The following PGBD5 variants were observed in gnomAD, a reference collection of about 807,000 sequenced individuals.
PGBD5 encodes piggyBac transposable element-derived protein 5.
A neutral mutation model predicts 47.9 loss-of-function variants in PGBD5; 14 were observed. The ratio of observed to expected loss-of-function variants is 0.29; its 90% CI spans 0.19 to 0.46. PGBD5 has a LOEUF of 0.46. PGBD5 is among the 20% of genes least tolerant of loss of function. The pLI is 1.00. For missense variants in PGBD5, 635 were observed against 716.0 expected (o/e 0.89, Z 1.29); for synonymous variants, 316 against 306.3 (o/e 1.03, Z -0.33).
At chr1:230,377,996 T>C (rs1171416231) in intron 1 of PGBD5, among the ~76,000 whole-genome samples, 2 of 152,200 alleles carry the variant, frequency 1.3e-5, no homozygotes, top group Non-Finnish European at 2.9e-5. Flanking sequence ...GCACTCCTCA[T>C]TGAGATCCCT....
chr1:230,390,011 GA>G (rs1162342302), intron 1 of PGBD5, among the ~76,000 whole-genome samples: 1 of 152,220 alleles, frequency 6.6e-6, no homozygotes, highest in Non-Finnish European at 1.5e-5. Context: ...CACACAGCCA[GA>G]AGGTGGGAGG....
In PGBD5 at chr1:230,425,910, C is replaced by G. The variant is rs1164185978; in HGVS notation, c.19G>C (p.Gly7Arg). 5.2e-5 allele frequency: 60 copies of G among 1,145,566 alleles called. No individual in the cohort carries two copies. The highest frequency in any genetic ancestry group is 4.4e-4 in the Admixed American group (9 of 20,362). The allele number at this position is 1,145,566 out of a possible 1,614,324, so 71.0% of individuals were successfully genotyped here. A position where few individuals can be genotyped will look rare whatever the true frequency, so the allele number is the denominator to read the frequency against. The change falls in exon 1 of 7, where the codon GGC becomes CGC. Residue 7 changes from glycine (G) to arginine (R), a missense_variant. By Grantham distance (125) the Gly-to-Arg change is moderately radical. Coordinates refer to ENST00000391860, the MANE Select transcript of PGBD5 (RefSeq NM_001258311.2). This position sits in a 1 kb window ranked among gnomAD's most constrained non-coding sequence, Gnocchi z 4.7. ...AGCGCCGGCGCCCTCCTCCGCGCGC[C>G]CCCGCCGCCCTCGGCCATGGCCCCG... Reference protein sequence around the residue: MAEGGGGARRRAPALLE... With the variant: MAEGGGRARRRAPALLE...
At chr1:230,372,858 G>GC (rs1164100763) in intron 1 of PGBD5, among the ~76,000 whole-genome samples, 1 of 152,104 alleles carries the variant, frequency 6.6e-6, no homozygotes, top group African/African-American at 2.4e-5. Flanking sequence ...CCTGCAGGTG[G>GC]CTTTCTTCCT....
At position 230,332,949 on chromosome 1, in the gene PGBD5, G is replaced by C. The variant is rs1418689171; in HGVS notation, c.1168C>G (p.Arg390Gly). 14 of 1,614,066 alleles carry C rather than the reference G, an allele frequency of 8.7e-6. No individual in the cohort carries two copies. Among genetic ancestry groups the C allele is most frequent in the Non-Finnish European group, 1.2e-5 (14 of 1,180,012 alleles). ...TTCATCTTGATTTGGTACTGGCCCC[G>C]GGCCGGGGGTGTGGCTGGGTTGGTC... is the stretch of plus-strand genomic sequence containing the variant. ...MLTNPATPPA[R>G]GQYQIKMKGN... is the part of the protein sequence containing the mutation. The change falls in exon 5 of 7, where the codon CGG becomes GGG. Residue 390 changes from arginine (R) to glycine (G), a missense_variant. Arg to Gly is a moderately radical substitution (Grantham distance 125). Transcript: ENST00000391860.
intron 5 of PGBD5, among the ~76,000 whole-genome samples, chr1:230,327,157 C>T (rs1165256888): frequency 6.6e-6 from 1 of 151,872 alleles, no homozygotes; most frequent in Non-Finnish European, 1.5e-5. Context: ...CTACTGTTTC[C>T]TTGAACTGGC....
rs571318363 is a variant in PGBD5, at chr1:230,406,402, T to C, written c.331+19196A>G. Among the ~76,000 whole-genome samples, 6 of 151,786 alleles carry C rather than the reference T, an allele frequency of 4.0e-5. No individual in the cohort carries two copies. The South Asian group carries it at 6.2e-4, about 16-fold the overall frequency. ...GTAAAATGTTGCAATAATTAAAGAC[T>C]GTAATAGCTACTAATTTTATAGGCA... On this transcript the variant is annotated intron_variant, in intron 1 of 6. Transcript: ENST00000391860.
intron 4 of PGBD5, among the ~76,000 whole-genome samples, chr1:230,335,895 ACG>A: frequency 6.9e-6 from 1 of 144,260 alleles, no homozygotes; most frequent in African/African-American, 2.5e-5. Flanking sequence ...AGATGCATAC[ACG>A]GACATACAGA....
intron 1 of PGBD5, among the ~76,000 whole-genome samples, chr1:230,371,925 G>A (rs828451): frequency 0.71 from 108,271 of 151,650 alleles, 39,053 homozygotes; most frequent in Non-Finnish European, 0.74. Flanking sequence ...CTGTGGGCAA[G>A]CTACCTAAGC....
At chr1:230,404,597 G>C (rs1313358287) in intron 1 of PGBD5, among the ~76,000 whole-genome samples, 3 of 125,018 alleles carry the variant, frequency 2.4e-5, no homozygotes, top group Non-Finnish European at 4.9e-5. Flanking sequence ...GTGAGACAGA[G>C]CAAAGTCTTG....
At chr1:230,394,491 G>T (rs960410403) in intron 1 of PGBD5, among the ~76,000 whole-genome samples, 1 of 77,244 alleles carries the variant, frequency 1.3e-5, no homozygotes, top group East Asian at 3.9e-4. Context: ...CAATCCTCCC[G>T]CTGTGCTTCT....
rs566083355 is a variant in PGBD5 at position 230,354,217 on chromosome 1, G to T, written c.759+2677C>A. 2.0e-4 allele frequency among the ~76,000 whole-genome samples: 30 copies of T among 152,274 alleles called. No individual in the cohort carries two copies. In the South Asian group the frequency reaches 6.2e-3, roughly 32 times the overall value. On this transcript the variant is annotated intron_variant, in intron 2 of 6. Transcript: ENST00000391860. ...TACCTTGCTCTACACCTACTGACAC[G>T]GAGCTGGTGCAACAGGCTGCGTGGC...
At chr1:230,386,182 G>A (rs1656632283) in intron 1 of PGBD5, among the ~76,000 whole-genome samples, 1 of 152,064 alleles carries the variant, frequency 6.6e-6, no homozygotes. Context: ...TGGCAGGTGT[G>A]GTGGTGCATG....
At chr1:230,365,414 A>T (rs1349736217) in intron 1 of PGBD5, among the ~76,000 whole-genome samples, 1 of 152,230 alleles carries the variant, frequency 6.6e-6, no homozygotes, top group Admixed American at 6.5e-5. Flanking sequence ...AAAAGGGGTG[A>T]CAATGCCCCC....
chr1:230,339,600 A>G (rs1316696365), intron 3 of PGBD5, among the ~76,000 whole-genome samples: 1 of 152,248 alleles, frequency 6.6e-6, no homozygotes, highest in Non-Finnish European at 1.5e-5. Context: ...AAGATATGGA[A>G]ACACAAGTGT....
At chr1:230,342,018 T>G (rs1667413796) in intron 3 of PGBD5, among the ~76,000 whole-genome samples, 1 of 152,188 alleles carries the variant, frequency 6.6e-6, no homozygotes, top group Non-Finnish European at 1.5e-5. Context: ...AAAAAGGATC[T>G]TAGGAATTAT....
Position 230,341,807 on chromosome 1 carries a change from A to G in PGBD5, c.895-4519T>C, listed in dbSNP as rs555257019. ...CACTTCTGAGCTACAAGACTGCTTG[A>G]CAAGTATCTCTAGAGCAGGAAAATG... On this transcript the variant is annotated intron_variant, in intron 3 of 6. Coordinates refer to ENST00000391860, the MANE Select transcript of PGBD5 (RefSeq NM_001258311.2). Among the ~76,000 whole-genome samples, 26 of 152,318 alleles carry G rather than the reference A, an allele frequency of 1.7e-4. No individual in the cohort carries two copies. The South Asian group carries it at 5.4e-3, about 32-fold the overall frequency.
In PGBD5 at chr1:230,362,431, A is replaced by C. The variant is rs1360478834; in HGVS notation, c.332-5110T>G. On this transcript the variant is annotated intron_variant, in intron 1 of 6. Coordinates refer to ENST00000391860, the MANE Select transcript of PGBD5 (RefSeq NM_001258311.2). Reference sequence around the variant, plus strand: ...CCGGGGAAGCCTGTGTCAGACCTGGACCGTGGCAAGCTCTTTCCCGCCTCA... The same window carrying C: ...CCGGGGAAGCCTGTGTCAGACCTGGCCCGTGGCAAGCTCTTTCCCGCCTCA... 3.8e-6 allele frequency: 5 copies of C among 1,300,164 alleles called. No individual in the cohort carries two copies. The Admixed American group carries it at 1.1e-4, about 28-fold the overall frequency. The allele number at this position is 1,300,164 out of a possible 1,614,324, so 80.5% of individuals were successfully genotyped here.
intron 1 of PGBD5, among the ~76,000 whole-genome samples, chr1:230,359,995 C>T (rs1348630083): frequency 6.6e-6 from 1 of 152,166 alleles, no homozygotes; most frequent in Non-Finnish European, 1.5e-5. Context: ...AGCTCCACAC[C>T]TACTCCTAAT....
chr1:230,363,492 G>C (rs1029483054), intron 1 of PGBD5, among the ~76,000 whole-genome samples: 1 of 152,084 alleles, frequency 6.6e-6, no homozygotes, highest in African/African-American at 2.4e-5. Context: ...CAAGGGAGGA[G>C]AGGTGCTTGA....
Sources: allele counts gnomAD v4.1 joint callset (sites outside exome capture counted in the v4.1 genomes callset), GRCh38; gene constraint gnomAD v4.1.1; non-coding constraint Gnocchi (gnomAD v3.1); transcripts MANE v1.5; gene names NCBI Gene and HGNC (gene_info 2026-07-23, HGNC 2026-07-21).